MYO1D: variants seen among roughly 807,000 people sequenced by gnomAD.
The protein encoded by MYO1D is unconventional myosin-Id.
A neutral mutation model predicts 122.0 loss-of-function variants in MYO1D; 83 were observed. The observed-to-expected ratio is 0.68, with a 90% CI of 0.57 to 0.82. The LOEUF (loss-of-function observed/expected upper bound fraction) is 0.82. Among genes scored for constraint, MYO1D ranks in the 40% least tolerant of loss-of-function variants. The pLI is 0.00. For missense variants in MYO1D, 1,157 were observed against 1,269.5 expected, an observed-to-expected ratio of 0.91 and a Z score of 1.35; for synonymous variants, 464 against 446.9, an observed-to-expected ratio of 1.04 and a Z score of -0.48.
intron 1 of MYO1D, among the ~76,000 whole-genome samples, chr17:32,872,887 A>G (rs989603473): frequency 6.6e-6 from 1 of 151,414 alleles, no homozygotes; most frequent in Non-Finnish European, 1.5e-5. Context: ...TAGTAGAGAC[A>G]GGGTTTCACC....
At chr17:32,648,526 G>C (rs996591273) in intron 19 of MYO1D, among the ~76,000 whole-genome samples, 2 of 152,202 alleles carry the variant, frequency 1.3e-5, no homozygotes, top group Non-Finnish European at 2.9e-5. Flanking sequence ...CTGGTTGCCA[G>C]AAAGACCAAG....
chr17:32,710,509 A>G (rs1302089249), intron 16 of MYO1D, among the ~76,000 whole-genome samples: 1 of 152,218 alleles, frequency 6.6e-6, no homozygotes, highest in Non-Finnish European at 1.5e-5. Context: ...AATACAGAAT[A>G]TCTTTGTGAC....
intron 16 of MYO1D, chr17:32,659,571 T>C (rs574903669): frequency 1.8e-5 from 10 of 551,976 alleles, no homozygotes; most frequent in Admixed American, 1.2e-4. Flanking sequence ...TACACTGAAG[T>C]GTGTGCTGAG....
At chr17:32,733,382 G>A (rs1406415659) in intron 14 of MYO1D, among the ~76,000 whole-genome samples, 1 of 152,216 alleles carries the variant, frequency 6.6e-6, no homozygotes, top group Non-Finnish European at 1.5e-5. Flanking sequence ...TTGTCAGTTT[G>A]AGGCTTTTTC....
rs9908129 is a variant in MYO1D, at chr17:32,573,003, C to A, written c.2864+32084G>T. Among the ~76,000 whole-genome samples the A allele has an allele frequency of 1.6e-3, 247 of 152,152 alleles. 2 individuals carry two copies. The highest frequency in any genetic ancestry group is 5.7e-3 in the African/African-American group (235 of 41,510). On this transcript the variant is annotated intron_variant, in intron 21 of 21. Coordinates refer to ENST00000318217, the MANE Select transcript of MYO1D (RefSeq NM_015194.3). Reference sequence around the variant, plus strand: ...CATACCCCTTTCTAGAATAAGAGCCCTTTAAGAACTGTTTTGTTCACTGCC... The same window carrying A: ...CATACCCCTTTCTAGAATAAGAGCCATTTAAGAACTGTTTTGTTCACTGCC...
At chr17:32,679,291 T>C (rs912086447) in intron 16 of MYO1D, among the ~76,000 whole-genome samples, 34 of 151,804 alleles carry the variant, frequency 2.2e-4, no homozygotes, top group Middle Eastern at 3.2e-3. Context: ...ATTTTGTCTT[T>C]TGTTGCCATT....
At chr17:32,854,357 G>C (rs1051524885) in intron 1 of MYO1D, among the ~76,000 whole-genome samples, 4 of 152,174 alleles carry the variant, frequency 2.6e-5, no homozygotes, top group Non-Finnish European at 5.9e-5. Flanking sequence ...TCCTTACTTA[G>C]CCATTCAGAA....
At position 32,502,230 on chromosome 17, in the gene MYO1D, G is replaced by A. The variant is rs536311555; in HGVS notation, c.2865-7315C>T. Among the ~76,000 whole-genome samples the A allele has an allele frequency of 2.1e-3, 319 of 152,316 alleles. 1 individual carries two copies. Among genetic ancestry groups the A allele is most frequent in the African/African-American group, 5.5e-3 (228 of 41,560 alleles). On this transcript the variant is annotated intron_variant, in intron 21 of 21. Transcript: ENST00000318217. ...ATGAAATATTATTGAGCAACAGAAA[G>A]GAATAAAGTATTAGCACATGTTACA...
At chr17:32,819,498 A>C (rs903282424) in intron 1 of MYO1D, among the ~76,000 whole-genome samples, 2 of 152,104 alleles carry the variant, frequency 1.3e-5, no homozygotes, top group Non-Finnish European at 2.9e-5. Context: ...CCTCCTCTCC[A>C]TCATTCTCTG....
At chr17:32,773,065 G>A (rs2090134302) in intron 4 of MYO1D, among the ~76,000 whole-genome samples, 1 of 152,212 alleles carries the variant, frequency 6.6e-6, no homozygotes, top group East Asian at 1.9e-4. Context: ...GCTCCCTTGG[G>A]AGATCAATCC....
intron 1 of MYO1D, among the ~76,000 whole-genome samples, chr17:32,865,599 G>A (rs894459368): frequency 6.6e-6 from 1 of 152,170 alleles, no homozygotes; most frequent in African/African-American, 2.4e-5. Context: ...AAAAACCTAT[G>A]TTCAGGAGTA....
At chr17:32,570,124 T>C (rs116470478) in intron 21 of MYO1D, among the ~76,000 whole-genome samples, 3,551 of 152,296 alleles carry the variant, frequency 0.023, 72 homozygotes, top group Middle Eastern at 0.078. Context: ...TGTGCTGAAT[T>C]GGCTGGAATC....
chr17:32,701,529 C>T (rs1175123028), intron 16 of MYO1D, among the ~76,000 whole-genome samples: 1 of 152,058 alleles, frequency 6.6e-6, no homozygotes, highest in Non-Finnish European at 1.5e-5. Flanking sequence ...TTCATCTATT[C>T]TTGATTTTTA....
At chr17:32,828,199 T>C (rs1184363611) in intron 1 of MYO1D, among the ~76,000 whole-genome samples, 1 of 152,070 alleles carries the variant, frequency 6.6e-6, no homozygotes, top group Non-Finnish European at 1.5e-5. Context: ...TTGGATTCTG[T>C]TTGTTTTCTC....
intron 1 of MYO1D, among the ~76,000 whole-genome samples, chr17:32,869,176 A>G (rs2091157067): frequency 6.6e-6 from 1 of 151,956 alleles, no homozygotes; most frequent in South Asian, 2.1e-4. Flanking sequence ...CCAAGATCGC[A>G]CTACCGCACT....
chr17:32,679,271 C>A (rs987670940), intron 16 of MYO1D, among the ~76,000 whole-genome samples: 3 of 151,234 alleles, frequency 2.0e-5, no homozygotes, highest in African/African-American at 7.3e-5. Context: ...TAATTAGATC[C>A]CATTTGTCAA....
chr17:32,871,208 C>A (rs1036981720), intron 1 of MYO1D, among the ~76,000 whole-genome samples: 9 of 152,184 alleles, frequency 5.9e-5, no homozygotes, highest in Non-Finnish European at 1.5e-5. Context: ...CCCACCCACA[C>A]ACAACCCCCC....
chr17:32,801,744 G>T lies in MYO1D; in HGVS notation c.96-20960C>A, dbSNP rs1204185221. Reference sequence around the variant, plus strand: ...CCCAACCCCCTTCCTAGCTCTGTTTGTAAGAGCAATGACACACCAATGGCA... The same window carrying T: ...CCCAACCCCCTTCCTAGCTCTGTTTTTAAGAGCAATGACACACCAATGGCA... On this transcript the variant is annotated intron_variant, in intron 1 of 21. Coordinates refer to ENST00000318217, the MANE Select transcript of MYO1D (RefSeq NM_015194.3). Among the ~76,000 whole-genome samples the T allele has an allele frequency of 9.2e-5, 14 of 152,114 alleles. 1 individual carries two copies. Among genetic ancestry groups the T allele is most frequent in the Admixed American group, 8.5e-4 (13 of 15,266 alleles).
At chr17:32,647,123 G>A (rs1161392387) in intron 19 of MYO1D, among the ~76,000 whole-genome samples, 1 of 152,114 alleles carries the variant, frequency 6.6e-6, no homozygotes, top group Non-Finnish European at 1.5e-5. Flanking sequence ...AGTACCACAG[G>A]GGGCCACAGA....
Sources: gnomAD v4.1 joint callset for allele counts (sites outside exome capture counted in the v4.1 genomes callset) on GRCh38, gnomAD v4.1.1 for gene constraint, MANE v1.5 for transcripts, NCBI Gene and HGNC (gene_info 2026-07-23, HGNC 2026-07-21) for gene names.